MFN2: variants seen among roughly 807,000 people sequenced by gnomAD.
MFN2 encodes the protein mitofusin-2.
Under a neutral mutation model 87.5 loss-of-function variants are expected in MFN2, and 43 were observed. The observed-to-expected ratio is 0.49, with a 90% CI of 0.38 to 0.63. The LOEUF (loss-of-function observed/expected upper bound fraction) is 0.63. Ranked by LOEUF, MFN2 falls within the 30% of genes least tolerant of loss-of-function variation. MFN2 has a pLI of 0.00. For synonymous variants in MFN2, 337 were observed against 359.9 expected, an observed-to-expected ratio of 0.94 and a Z score of 0.72; for missense variants, 743 against 972.8, an observed-to-expected ratio of 0.76 and a Z score of 3.14.
At chr1:11,990,846 G>A (rs1423999882) in intron 3 of MFN2, among the ~76,000 whole-genome samples, 1 of 152,208 alleles carries the variant, frequency 6.6e-6, no homozygotes, top group East Asian at 1.9e-4. Flanking sequence ...TGATGCATCT[G>A]GGGCAGAGGT....
At chr1:12,002,844 A>G (rs1639237104) in intron 11 of MFN2, among the ~76,000 whole-genome samples, 1 of 152,230 alleles carries the variant, frequency 6.6e-6, no homozygotes. Flanking sequence ...TCATGAATTT[A>G]CATTGTTCTA....
chr1:11,984,247 C>T (rs1048805361), intron 2 of MFN2, among the ~76,000 whole-genome samples: 17 of 152,250 alleles, frequency 1.1e-4, no homozygotes, highest in African/African-American at 4.1e-4. Flanking sequence ...AGTGGGGTAT[C>T]GCTGATCCTT....
At chr1:11,991,279 G>A (rs115055259) in intron 3 of MFN2, among the ~76,000 whole-genome samples, 3,525 of 152,342 alleles carry the variant, frequency 0.023, 131 homozygotes, top group African/African-American at 0.08. Context: ...ACACAGACAG[G>A]TGAGCTGTAC....
intron 18 of MFN2, among the ~76,000 whole-genome samples, chr1:12,011,173 C>T (rs1040936045): frequency 1.3e-5 from 2 of 152,330 alleles, no homozygotes; most frequent in East Asian, 1.9e-4. Flanking sequence ...CCTGTCAGCA[C>T]CTCAACCCCT....
chr1:12,009,765 G>A (rs768887443), intron 18 of MFN2, 39 bp downstream of exon 18: 1 of 1,613,604 alleles, frequency 6.2e-7, no homozygotes, highest in East Asian at 2.2e-5. Flanking sequence ...AGGGCTCCAG[G>A]GTGCAGCCCA....
In MFN2 at chr1:11,980,495, G is replaced by A; in HGVS notation, c.-150+11G>A. On this transcript the variant is annotated intron_variant, in intron 1 of 18. Coordinates refer to ENST00000235329, the MANE Select transcript of MFN2 (RefSeq NM_014874.4). ...GCCGGGAAGGTGAAGGTGAGAGGGCGAGCAAGCCGGGGTGGCGGGGACTGG... is the reference window on the plus strand; with the variant it reads ...GCCGGGAAGGTGAAGGTGAGAGGGCAAGCAAGCCGGGGTGGCGGGGACTGG... The A allele has an allele frequency of 2.5e-6, 1 of 398,334 alleles. No homozygotes were observed. Among genetic ancestry groups the A allele is most frequent in the Non-Finnish European group, 4.4e-6 (1 of 225,850 alleles). 24.7% of individuals were successfully genotyped at this position (398,334 alleles called of 1,614,324 possible).
rs1218698482 is a variant in MFN2 at position 11,992,605 on chromosome 1, C to A, written c.226C>A (p.Leu76Met). The change falls in exon 4 of 19, where the codon CTG (leucine) becomes ATG (methionine). Residue 76 changes from leucine to methionine, a missense_variant. By Grantham distance (15) the Leu-to-Met change is conservative. Transcript: ENST00000235329. ...LDPVTTEEQV[L>M]DVKGYLSKVR... is the part of the protein sequence containing the mutation. ...CCCCGTTACCACAGAAGAACAGGTT[C>A]TGGACGTCAAAGGTTACCTATCCAA... The A allele has an allele frequency of 6.2e-7, 1 of 1,614,216 alleles. No individual in the cohort carries two copies. The highest frequency in any genetic ancestry group is 1.7e-5 in the Admixed American group (1 of 60,028).
chr1:11,998,840 G>C lies in MFN2; in HGVS notation c.670G>C (p.Val224Leu). 6.2e-7 allele frequency: 1 copy of C among 1,614,180 alleles called. No homozygotes were observed. The highest frequency in any genetic ancestry group is 8.5e-7 in the Non-Finnish European group (1 of 1,180,038). Residue 224 changes from valine to leucine, a missense_variant, in exon 7 of 19, where the codon GTG (valine) becomes CTG (leucine). Physicochemically the swap from Val to Leu is conservative, Grantham distance 32. Transcript: ENST00000235329. Reference sequence around the variant, plus strand: ...GTTTTGTCTGGATGCTGATGTGTTTGTGCTGGTGGCCAACTCAGAGTCCAC... The same window carrying C: ...GTTTTGTCTGGATGCTGATGTGTTTCTGCTGGTGGCCAACTCAGAGTCCAC... ...DKFCLDADVF[V>L]LVANSESTLM...
At chr1:11,997,559 A>C in intron 6 of MFN2, 138 bp downstream of exon 6, 1 of 1,198,058 alleles carries the variant, frequency 8.3e-7, no homozygotes, top group Non-Finnish European at 1.2e-6. Flanking sequence ...GCTCAACCAA[A>C]TCCTCTGGCC....
At chr1:12,000,567 G>A (rs1011662303) in intron 8 of MFN2, among the ~76,000 whole-genome samples, 13 of 152,194 alleles carry the variant, frequency 8.5e-5, no homozygotes, top group Non-Finnish European at 1.9e-4. Context: ...CAGTGTGATG[G>A]TGTGATAAAT....
chr1:12,013,235 A>G lies in MFN2; in HGVS notation c.*1670A>G. The G allele has an allele frequency of 2.8e-6, 1 of 353,354 alleles. No homozygotes were observed. Among genetic ancestry groups the G allele is most frequent in the South Asian group, 2.0e-5 (1 of 49,228 alleles). 21.9% of individuals were successfully genotyped at this position (353,354 alleles called of 1,614,324 possible). Reference sequence around the variant, plus strand: ...TTAGCGTAAACATGAATTTTTTTTCAATGTAGCCCCTGGGGAATGAATGAA... The same window carrying G: ...TTAGCGTAAACATGAATTTTTTTTCGATGTAGCCCCTGGGGAATGAATGAA... On this transcript the variant is annotated 3_prime_UTR_variant, in exon 19 of 19. Coordinates refer to ENST00000235329, the MANE Select transcript of MFN2 (RefSeq NM_014874.4).
intron 3 of MFN2, 161 bp from the exon 4 acceptor site, chr1:11,992,394 G>A (rs1165481356): frequency 3.1e-5 from 27 of 875,388 alleles, no homozygotes; most frequent in East Asian, 2.3e-4. Context: ...CCACCACACC[G>A]TGGGGCCACC....
chr1:11,993,593 G>C (rs1638785644), intron 4 of MFN2, among the ~76,000 whole-genome samples: 1 of 151,952 alleles, frequency 6.6e-6, no homozygotes, highest in African/African-American at 2.4e-5. Context: ...AAATTAGCCG[G>C]GTGAGGTGGC....
intron 6 of MFN2, among the ~76,000 whole-genome samples, chr1:11,997,879 CT>C (rs768355266): frequency 0.011 from 1,068 of 95,774 alleles, 5 homozygotes; most frequent in African/African-American, 0.041. Flanking sequence ...TGTATATCAT[CT>C]TTTTTTTTTT....
chr1:11,997,226 G>T (rs1638950841), intron 5 of MFN2, 71 bp from the exon 6 acceptor site: 3 of 1,604,952 alleles, frequency 1.9e-6, no homozygotes, highest in East Asian at 4.5e-5. Context: ...GTGCTGTGAT[G>T]CAGCGGCACA....
At chr1:12,007,720 C>A (rs1280925986) in intron 17 of MFN2, among the ~76,000 whole-genome samples, 2 of 152,056 alleles carry the variant, frequency 1.3e-5, no homozygotes, top group Non-Finnish European at 2.9e-5. Context: ...CTAATTATTT[C>A]TCTGACTCTT....
chr1:12,006,942 A>G, intron 16 of MFN2, 111 bp from the exon 17 acceptor site: 1 of 1,419,186 alleles, frequency 7.0e-7, no homozygotes, highest in African/African-American at 1.4e-5. Flanking sequence ...TCAGAGTAGA[A>G]ACATGAAGGC....
In MFN2 at chr1:12,001,978, C is replaced by T. The variant is rs1460366757; in HGVS notation, c.1039-4C>T. On this transcript the variant is annotated splice_region_variant and splice_polypyrimidine_tract_variant and intron_variant, in intron 10 of 18. Transcript: ENST00000235329. ...ACCTCCCTCCGTGCCTCTGTGTGTTCCAGGAGTGCATCTCCCAGTCTGCAG... is the reference window on the plus strand; with the variant it reads ...ACCTCCCTCCGTGCCTCTGTGTGTTTCAGGAGTGCATCTCCCAGTCTGCAG... 1 of 1,614,146 alleles carries T rather than the reference C, an allele frequency of 6.2e-7. No individual in the cohort carries two copies. The highest frequency in any genetic ancestry group is 8.5e-7 in the Non-Finnish European group (1 of 1,180,028).
intron 11 of MFN2, 140 bp downstream of exon 11, chr1:12,002,243 A>G: frequency 7.2e-7 from 1 of 1,397,404 alleles, no homozygotes; most frequent in South Asian, 1.2e-5. Flanking sequence ...CCTGGCCACC[A>G]GACCATGTTA....
Sources: gnomAD v4.1 joint callset for allele counts (sites outside exome capture counted in the v4.1 genomes callset) on GRCh38, gnomAD v4.1.1 for gene constraint, MANE v1.5 for transcripts, NCBI Gene and HGNC (gene_info 2026-07-23, HGNC 2026-07-21) for gene names.